The following TRIM37 variants were observed in gnomAD, a reference collection of about 807,000 sequenced individuals.
TRIM37 encodes the protein E3 ubiquitin-protein ligase TRIM37.
Under a neutral mutation model 129.8 loss-of-function variants are expected in TRIM37, and 80 were observed. That is an observed-to-expected ratio of 0.62 (90% confidence interval 0.51 to 0.74). The LOEUF (loss-of-function observed/expected upper bound fraction) is 0.74, where lower values mean the gene tolerates loss of function less well. TRIM37 is among the 30% of genes least tolerant of loss of function. The pLI is 0.00. For synonymous variants in TRIM37, 389 were observed against 387.1 expected, an observed-to-expected ratio of 1.00 and a Z score of -0.06; for missense variants, 1,054 against 1,176.5, an observed-to-expected ratio of 0.90 and a Z score of 1.52.
rs770647159 is a variant in TRIM37 at position 59,104,271 on chromosome 17, T to C, written c.123+22A>G. 6.9e-6 allele frequency: 11 copies of C among 1,588,262 alleles called. No individual in the cohort carries two copies. The African/African-American group carries it at 1.1e-4, about 16-fold the overall frequency. ...ATATATACTATATATACTAACTGCATGTAAAAAGAAATACAACTTACCCTA... is the reference window on the plus strand; with the variant it reads ...ATATATACTATATATACTAACTGCACGTAAAAAGAAATACAACTTACCCTA... On this transcript the variant is annotated intron_variant, in intron 2 of 23. Coordinates refer to ENST00000262294, the MANE Select transcript of TRIM37 (RefSeq NM_015294.6).
At chr17:59,101,091 T>C (rs1420212659) in intron 2 of TRIM37, among the ~76,000 whole-genome samples, 1 of 150,232 alleles carries the variant, frequency 6.7e-6, no homozygotes, top group African/African-American at 2.4e-5. Flanking sequence ...GTTTACTGCA[T>C]GTCAGTTATA....
rs1252429338 is a variant in TRIM37 at position 58,999,140 on chromosome 17, T to C, written c.*237A>G. ...CAAATTTGCTAAATTAATAGAGAAC[T>C]ACATTGTTATTTCCTTACATTACAA... On this transcript the variant is annotated 3_prime_UTR_variant, in exon 24 of 24. Transcript: ENST00000262294. 1 of 1,342,660 alleles carries C rather than the reference T, an allele frequency of 7.4e-7. No homozygotes were observed. Among genetic ancestry groups the C allele is most frequent in the African/African-American group, 1.5e-5 (1 of 67,298 alleles). The allele number at this position is 1,342,660 out of a possible 1,614,324, so 83.2% of individuals were successfully genotyped here.
intron 19 of TRIM37, among the ~76,000 whole-genome samples, chr17:59,020,820 A>G (rs2036517738): frequency 6.6e-6 from 1 of 152,230 alleles, no homozygotes; most frequent in Non-Finnish European, 1.5e-5. Flanking sequence ...AAACACAGGC[A>G]ATAACAAATG....
chr17:59,070,658 C>T (rs1046063348), intron 9 of TRIM37, among the ~76,000 whole-genome samples, 165 bp downstream of exon 9: 1 of 151,700 alleles, frequency 6.6e-6, no homozygotes, highest in Admixed American at 6.6e-5. Flanking sequence ...GGGAAAATCA[C>T]TTGAGTCCAG....
At chr17:58,980,607 C>A, downstream of TRIM37, 1 of 1,614,200 alleles carries the variant, frequency 6.2e-7, no homozygotes, top group Non-Finnish European at 8.5e-7. The surrounding 1 kb of genome is among the most constrained non-coding windows in gnomAD (Gnocchi z 4.7). Context: ...TCAGTTCAGT[C>A]ATCATTGCCT....
At chr17:59,009,832 A>G (rs556338525) in intron 22 of TRIM37, among the ~76,000 whole-genome samples, 2 of 152,366 alleles carry the variant, frequency 1.3e-5, no homozygotes, top group African/African-American at 4.8e-5. Context: ...AAACTAGGTT[A>G]ACAAAAGCAA....
rs527491851 is a variant in TRIM37 at position 59,075,214 on chromosome 17, T to G, written c.684+433A>C. Among the ~76,000 whole-genome samples, 28 of 151,772 alleles carry G rather than the reference T, an allele frequency of 1.8e-4. 1 individual carries two copies. In the South Asian group the frequency reaches 5.8e-3, roughly 32 times the overall value. ...AAAATCTCCATTATAACACAAAAGA[T>G]CAACAGATCTTTTGATCTCATACAG... On this transcript the variant is annotated intron_variant, in intron 8 of 23. Coordinates refer to ENST00000262294, the MANE Select transcript of TRIM37 (RefSeq NM_015294.6).
At chr17:59,036,448 G>GTA (rs34206839) in intron 17 of TRIM37, among the ~76,000 whole-genome samples, 218 of 21,582 alleles carry the variant, frequency 0.01, 2 homozygotes, top group South Asian at 0.023. Flanking sequence ...TTTGCTGGGG[G>GTA]TGTGTGTGTG....
intron 17 of TRIM37, among the ~76,000 whole-genome samples, chr17:59,038,445 C>A (rs1437888672): frequency 2.6e-5 from 4 of 152,090 alleles, no homozygotes; most frequent in Admixed American, 2.6e-4. Context: ...ATTATTATGT[C>A]TTCAACATCT....
chr17:59,104,429 T>A (rs774182626), intron 1 of TRIM37, 35 bp from the exon 2 acceptor site: 2 of 1,583,336 alleles, frequency 1.3e-6, no homozygotes, highest in Non-Finnish European at 1.7e-6. Flanking sequence ...TCCACCAGTT[T>A]AGGCTACTGA....
intron 16 of TRIM37, among the ~76,000 whole-genome samples, chr17:59,043,561 C>T (rs1289105403): frequency 6.6e-6 from 1 of 152,180 alleles, no homozygotes; most frequent in Non-Finnish European, 1.5e-5. Context: ...AAGGTATCAG[C>T]ATCTCTCATT....
rs1216431011 is a variant in TRIM37, at chr17:59,088,294, T to C, written c.278A>G (p.Asp93Gly). ...AACAAAGAAATTGAGGACATACTTG[T>C]CCTTTTCATTTTCTTCATGTTTGGT... ...SLTKHEENEKDKCENHHEKLS... is the reference protein window; with the variant it reads ...SLTKHEENEKGKCENHHEKLS... The change falls in exon 4 of 24, where the codon GAC (aspartate) becomes GGC (glycine). Residue 93 changes from aspartate to glycine, a missense_variant. Physicochemically the swap from Asp to Gly is moderately conservative, Grantham distance 94. This residue lies in a region of TRIM37 where 752 missense variants were observed against 870.8 expected (regional missense o/e 0.86). Transcript: ENST00000262294. The C allele has an allele frequency of 1.2e-6, 2 of 1,600,892 alleles. No homozygotes were observed. The highest frequency in any genetic ancestry group is 1.7e-5 in the Admixed American group (1 of 59,864).
intron 3 of TRIM37, 74 bp from the exon 4 acceptor site, chr17:59,088,481 A>C: frequency 1.1e-6 from 1 of 949,986 alleles, no homozygotes; most frequent in Non-Finnish European, 1.7e-6. Flanking sequence ...ACGTTTCTCA[A>C]AATAGAGAGC....
chr17:58,967,255 T>C, the TRIM37 span, among the ~76,000 whole-genome samples: 2 of 152,176 alleles, frequency 1.3e-5, no homozygotes, highest in African/African-American at 4.8e-5. Context: ...TGCAGAAAAG[T>C]CTTAGGCATG....
At chr17:59,033,576 A>G (rs1402205514) in intron 17 of TRIM37, among the ~76,000 whole-genome samples, 1 of 151,916 alleles carries the variant, frequency 6.6e-6, no homozygotes, top group African/African-American at 2.4e-5. Context: ...GACTACAGGC[A>G]TGCACCACCA....
intron 19 of TRIM37, among the ~76,000 whole-genome samples, chr17:59,020,835 T>C (rs182045092): frequency 1.6e-4 from 25 of 152,230 alleles, no homozygotes; most frequent in Admixed American, 1.3e-3. Flanking sequence ...CAAATGCTGG[T>C]GAAGATGTAG....
In TRIM37 at chr17:59,088,396, T is replaced by C; in HGVS notation, c.176A>G (p.Gln59Arg). Reference sequence around the variant, plus strand: ...ACGACAATTTACTAGTTCTCGTAGCTGGAGTGGAGCACTGGGGAGAAAATC... The same window carrying C: ...ACGACAATTTACTAGTTCTCGTAGCCGGAGTGGAGCACTGGGGAGAAAATC... ...AQCPHCRAPL[Q>R]LRELVNCRWA... Residue 59 changes from glutamine (Q) to arginine (R), a missense_variant, in exon 4 of 24, where the codon CAG (glutamine) becomes CGG (arginine). Coordinates refer to ENST00000262294, the MANE Select transcript of TRIM37 (RefSeq NM_015294.6). 1 of 1,609,504 alleles carries C rather than the reference T, an allele frequency of 6.2e-7. No homozygotes were observed. Among genetic ancestry groups the C allele is most frequent in the Non-Finnish European group, 8.5e-7 (1 of 1,175,796 alleles).
intron 2 of TRIM37, among the ~76,000 whole-genome samples, chr17:59,098,180 T>C (rs1568253102): frequency 6.6e-6 from 1 of 152,142 alleles, no homozygotes; most frequent in Non-Finnish European, 1.5e-5. Context: ...GAATAGTCAA[T>C]GTAAAGACAG....
chr17:58,981,235 T>C (rs2052805730), downstream of TRIM37: 1 of 526,750 alleles, frequency 1.9e-6, no homozygotes, highest in Non-Finnish European at 3.3e-6. Context: ...ACTTGCAAAA[T>C]TACACAGCTG....
Sources: allele counts gnomAD v4.1 joint callset (sites outside exome capture counted in the v4.1 genomes callset), GRCh38; gene constraint gnomAD v4.1.1; regional missense constraint gnomAD v4.1.1; non-coding constraint Gnocchi (gnomAD v3.1); transcripts MANE v1.5; gene names NCBI Gene and HGNC (gene_info 2026-07-23, HGNC 2026-07-21).